The following ASIP variants were observed in gnomAD, a reference collection of about 807,000 sequenced individuals.
The protein encoded by ASIP is agouti signaling protein, also known as agouti-signaling protein.
Under a neutral mutation model 10.3 loss-of-function variants are expected in ASIP, and 11 were observed. The observed-to-expected ratio is 1.07, with a 90% CI of 0.68 to 1.78. ASIP has a LOEUF of 1.78. Among genes scored for constraint, ASIP ranks in the 40% most tolerant of loss-of-function variants. ASIP has a pLI of 0.00. For synonymous variants in ASIP, 70 were observed against 70.8 expected (o/e 0.99, Z 0.06); for missense variants, 180 against 169.2 (o/e 1.06, Z -0.35).
intron 1 of ASIP, among the ~76,000 whole-genome samples, chr20:34,212,560 T>C (rs2034981390): frequency 6.6e-6 from 1 of 152,192 alleles, no homozygotes; most frequent in African/African-American, 2.4e-5. Flanking sequence ...TTATCTACTG[T>C]CTATTTTACA....
intron 1 of ASIP, among the ~76,000 whole-genome samples, chr20:34,227,239 T>G (rs1399566063): frequency 6.6e-6 from 1 of 152,060 alleles, no homozygotes; most frequent in Non-Finnish European, 1.5e-5. Context: ...CCATTTATAA[T>G]GGTACCAAAA....
intron 1 of ASIP, among the ~76,000 whole-genome samples, chr20:34,204,119 C>G (rs6058008): frequency 0.018 from 2,802 of 152,184 alleles, 89 homozygotes; most frequent in African/African-American, 0.064. Context: ...ATACAGCAAC[C>G]CTGCTTAATT....
chr20:34,253,372 C>T (rs912534356), intron 1 of ASIP, among the ~76,000 whole-genome samples: 4 of 151,838 alleles, frequency 2.6e-5, no homozygotes, highest in Admixed American at 2.6e-4. Flanking sequence ...TCCCAAAGTG[C>T]TGGGATTACG....
At chr20:34,212,519 A>C (rs921549790) in intron 1 of ASIP, among the ~76,000 whole-genome samples, 1 of 152,196 alleles carries the variant, frequency 6.6e-6, no homozygotes, top group Non-Finnish European at 1.5e-5. Flanking sequence ...CTATAAACTT[A>C]TTTAGTATAT....
chr20:34,238,732 G>C (rs1030254937), upstream of ASIP, among the ~76,000 whole-genome samples: 1 of 151,946 alleles, frequency 6.6e-6, no homozygotes, highest in African/African-American at 2.4e-5. Flanking sequence ...TGATTTTTTG[G>C]TTGAAAACTA....
In ASIP at chr20:34,235,861, GAAGGA is replaced by G. The variant is rs1221853856; in HGVS notation, c.-10-24497_-10-24493del. Among the ~76,000 whole-genome samples, 143 of 33,948 alleles carry G rather than the reference GAAGGA, an allele frequency of 4.2e-3. 2 individuals carry two copies. In the African/African-American group the frequency reaches 0.049, roughly 12 times the overall value. 22.3% of individuals were successfully genotyped at this position (33,948 alleles called of 152,430 possible). On this transcript the variant is annotated intron_variant, in intron 1 of 3. Transcript: ENST00000568305. ...AGAAAGAAGGAAGGAAGGAAGGAAG[GAAGGA>G]AAGGAAGGAAGGAAGGAAGGAAGGA...
At chr20:34,217,553 G>A (rs1327942616) in intron 1 of ASIP, among the ~76,000 whole-genome samples, 2 of 150,672 alleles carry the variant, frequency 1.3e-5, no homozygotes, top group African/African-American at 2.4e-5. Flanking sequence ...TCTACTGAAA[G>A]CTTATTTATG....
At chr20:34,193,530 T>C (rs2034837100), upstream of ASIP, among the ~76,000 whole-genome samples, 2 of 152,156 alleles carry the variant, frequency 1.3e-5, no homozygotes, top group Non-Finnish European at 2.9e-5. Context: ...TAGGTAAGCC[T>C]GCACAAAGGA....
chr20:34,223,481 C>G (rs1436093122), intron 1 of ASIP, among the ~76,000 whole-genome samples: 2 of 151,678 alleles, frequency 1.3e-5, no homozygotes, highest in Non-Finnish European at 2.9e-5. Flanking sequence ...GCAGCCACCC[C>G]GTCCGGGAGG....
intron 3 of ASIP, among the ~76,000 whole-genome samples, chr20:34,268,663 G>A (rs866576141): frequency 1.3e-5 from 2 of 151,932 alleles, no homozygotes; most frequent in South Asian, 2.1e-4. Flanking sequence ...CTGAGCCCGA[G>A]ATCGAGATTG....
intron 1 of ASIP, among the ~76,000 whole-genome samples, chr20:34,199,052 C>A (rs928025560): frequency 1.3e-5 from 2 of 151,974 alleles, no homozygotes; most frequent in African/African-American, 4.8e-5. Flanking sequence ...TGGCTTCTTT[C>A]GCTTAATATT....
intron 1 of ASIP, chr20:34,215,545 T>C: frequency 6.6e-7 from 1 of 1,510,404 alleles, no homozygotes; most frequent in South Asian, 1.1e-5. Context: ...TAGTGAGATA[T>C]TCTGCAACAA....
chr20:34,223,503 T>TCAGCCCCCCCGCCCGGC (rs2035067920), intron 1 of ASIP, among the ~76,000 whole-genome samples: 3 of 143,168 alleles, frequency 2.1e-5, no homozygotes, highest in African/African-American at 8.1e-5. Flanking sequence ...AGGTGGGGGG[T>TCAGCCCCCCCGCCCGGC]CAGCCCCCCC....
chr20:34,223,359 C>T (rs1344813213), intron 1 of ASIP, among the ~76,000 whole-genome samples: 1 of 151,124 alleles, frequency 6.6e-6, no homozygotes, highest in East Asian at 2.0e-4. Context: ...GCCCAGCCGC[C>T]CCGTCTGAGA....
intron 1 of ASIP, among the ~76,000 whole-genome samples, chr20:34,202,604 A>G (rs938631952): frequency 6.6e-6 from 1 of 151,896 alleles, no homozygotes; most frequent in African/African-American, 2.4e-5. Context: ...TTAATTTCCC[A>G]CTTTTATTAT....
chr20:34,260,452 T>A lies in ASIP; in HGVS notation c.78T>A (p.Pro26=). The change falls in exon 2 of 4, where the codon CCT becomes CCA. Residue 26 remains proline, a synonymous_variant. Coordinates refer to ENST00000374954, the MANE Select transcript of ASIP (RefSeq NM_001672.3). ...CFFTANSHLP[P]EEKLRDDRSL... ...TCACTGCCAACAGCCACCTGCCACC[T>A]GAGGAGAAGCTCCGAGATGACAGGA... 6.2e-7 allele frequency: 1 copy of A among 1,614,152 alleles called. No individual in the cohort carries two copies. The highest frequency in any genetic ancestry group is 8.5e-7 in the Non-Finnish European group (1 of 1,180,006).
At chr20:34,225,155 C>A (rs1295488764) in intron 1 of ASIP, among the ~76,000 whole-genome samples, 4 of 147,400 alleles carry the variant, frequency 2.7e-5, no homozygotes, top group African/African-American at 1.0e-4. Context: ...GATTCTCCTA[C>A]CTCAGCTTCC....
intron 1 of ASIP, among the ~76,000 whole-genome samples, chr20:34,206,962 A>G (rs1216822028): frequency 6.6e-6 from 1 of 152,208 alleles, no homozygotes; most frequent in African/African-American, 2.4e-5. Context: ...TGCAATAAAC[A>G]TGGGAGTGCA....
At chr20:34,218,650 G>A (rs2035025257) in intron 1 of ASIP, among the ~76,000 whole-genome samples, 1 of 151,822 alleles carries the variant, frequency 6.6e-6, no homozygotes, top group African/African-American at 2.4e-5. Flanking sequence ...GGAGATGGCA[G>A]TAGCAAGGGA....
Sources: gnomAD v4.1 joint callset for allele counts (sites outside exome capture counted in the v4.1 genomes callset) on GRCh38, gnomAD v4.1.1 for gene constraint, MANE v1.5 for transcripts, NCBI Gene and HGNC (gene_info 2026-07-23, HGNC 2026-07-21) for gene names.